The following NYAP2 variants were observed in gnomAD, a reference collection of about 807,000 sequenced individuals.
NYAP2 encodes the protein neuronal tyrosine-phosphorylated phosphoinositide-3-kinase adapter 2.
A neutral mutation model predicts 50.4 loss-of-function variants in NYAP2; 23 were observed. That is an observed-to-expected ratio of 0.46 (90% CI 0.33 to 0.65). NYAP2 has a LOEUF of 0.65. NYAP2 is among the 30% of genes least tolerant of loss of function. The pLI is 0.02. For synonymous variants in NYAP2, 394 were observed against 365.2 expected (o/e 1.08, Z -0.90); for missense variants, 885 against 861.0 (o/e 1.03, Z -0.35).
At chr2:225,666,350 T>G in the NYAP2 span, among the ~76,000 whole-genome samples, 1 of 152,200 alleles carries the variant, frequency 6.6e-6, no homozygotes, top group Admixed American at 6.5e-5. Context: ...AAGAGATTTA[T>G]TCTGAGCCAA....
chr2:225,438,759 GGGATGTATATGTTTTGGAATTACACAC>G (rs1261036021), intron 3 of NYAP2, among the ~76,000 whole-genome samples: 1 of 152,068 alleles, frequency 6.6e-6, no homozygotes, highest in East Asian at 1.9e-4. Flanking sequence ...AATTATGATG[GGGATGTATATGTTTTGGAATTACACAC>G]GTCATACACC....
At chr2:225,552,894 G>A (rs551528061) in intron 4 of NYAP2, among the ~76,000 whole-genome samples, 2 of 152,142 alleles carry the variant, frequency 1.3e-5, no homozygotes, top group South Asian at 4.2e-4. Flanking sequence ...CACCATATTG[G>A]CCAGGTTGGT....
chr2:225,629,730 CT>C (rs1008701477), intron 6 of NYAP2, among the ~76,000 whole-genome samples: 1 of 152,096 alleles, frequency 6.6e-6, no homozygotes, highest in African/African-American at 2.4e-5. Flanking sequence ...GGGCATCTGG[CT>C]TTATGAGAAC....
chr2:225,539,302 A>G (rs1691415765), intron 4 of NYAP2, among the ~76,000 whole-genome samples: 1 of 152,242 alleles, frequency 6.6e-6, no homozygotes, highest in Non-Finnish European at 1.5e-5. Context: ...GCTGCAATAA[A>G]CATACATGTG....
chr2:225,456,879 A>G (rs766785444), intron 3 of NYAP2, among the ~76,000 whole-genome samples: 7 of 152,162 alleles, frequency 4.6e-5, no homozygotes, highest in Admixed American at 6.5e-5. Context: ...GGCCCATTGT[A>G]TAAGTGTGAA....
At chr2:225,589,516 A>AATATATATATGTAT (rs1553553395) in intron 5 of NYAP2, among the ~76,000 whole-genome samples, 3 of 71,356 alleles carry the variant, frequency 4.2e-5, no homozygotes, top group Admixed American at 3.2e-4. Flanking sequence ...CTAAAAGTAA[A>AATATATATATGTAT]ATATATATAT....
chr2:225,685,932 C>A, the NYAP2 span, among the ~76,000 whole-genome samples: 1 of 152,134 alleles, frequency 6.6e-6, no homozygotes, highest in Admixed American at 6.5e-5. Context: ...TTCAGACACA[C>A]AAGAATTAAG....
intron 3 of NYAP2, among the ~76,000 whole-genome samples, chr2:225,508,636 T>G (rs141276044): frequency 6.2e-4 from 94 of 152,088 alleles, no homozygotes; most frequent in African/African-American, 2.2e-3. Flanking sequence ...GAAAAGCAAT[T>G]GAATAGGAAG....
chr2:225,579,573 A>G (rs1328471018), intron 4 of NYAP2, among the ~76,000 whole-genome samples: 1 of 152,180 alleles, frequency 6.6e-6, no homozygotes, highest in Non-Finnish European at 1.5e-5. Flanking sequence ...TCACAATTGG[A>G]GTAAATCCAG....
intron 5 of NYAP2, among the ~76,000 whole-genome samples, chr2:225,623,695 A>G (rs540002107): frequency 6.6e-6 from 1 of 152,336 alleles, no homozygotes; most frequent in East Asian, 1.9e-4. Context: ...GCAAAAAACA[A>G]ACTAAAAATT....
chr2:225,507,727 C>A (rs199925031), intron 3 of NYAP2, among the ~76,000 whole-genome samples: 4 of 130,698 alleles, frequency 3.1e-5, no homozygotes, highest in Non-Finnish European at 6.7e-5. Flanking sequence ...TGGGAAAAGA[C>A]TTAAATGTAG....
intron 4 of NYAP2, among the ~76,000 whole-genome samples, chr2:225,536,907 T>C (rs969162432): frequency 2.0e-5 from 3 of 152,002 alleles, no homozygotes; most frequent in African/African-American, 4.8e-5. Flanking sequence ...GCCTCCCGAA[T>C]AGCTGGGACT....
intron 3 of NYAP2, among the ~76,000 whole-genome samples, chr2:225,415,402 T>G (rs758984764): frequency 3.3e-5 from 5 of 152,200 alleles, no homozygotes; most frequent in Admixed American, 1.3e-4. Flanking sequence ...GGCTATGATA[T>G]CCAAGTTTTG....
At chr2:225,662,942 G>T in the NYAP2 span, among the ~76,000 whole-genome samples, 1 of 152,110 alleles carries the variant, frequency 6.6e-6, no homozygotes, top group Non-Finnish European at 1.5e-5. Context: ...TCCAGGCCTC[G>T]CGGAATTTCC....
At chr2:225,568,239 A>G (rs1691998214) in intron 4 of NYAP2, among the ~76,000 whole-genome samples, 1 of 152,126 alleles carries the variant, frequency 6.6e-6, no homozygotes, top group African/African-American at 2.4e-5. Context: ...ACCTTTACTT[A>G]AAGTATAAGG....
At chr2:225,425,662 T>C (rs2106129837) in intron 3 of NYAP2, among the ~76,000 whole-genome samples, 1 of 152,336 alleles carries the variant, frequency 6.6e-6, no homozygotes, top group African/African-American at 2.4e-5. Flanking sequence ...ACACTTCTTT[T>C]TCCCTGTGGT....
chr2:225,699,332 GTGTCCTTGCATCATTGATC>G, the NYAP2 span: 1 of 151,942 alleles, frequency 6.6e-6, no homozygotes, highest in Non-Finnish European at 1.5e-5. Flanking sequence ...TTAGGGACAT[GTGTCCTTGCATCATTGATC>G]TGATTGGAGG....
the NYAP2 span, among the ~76,000 whole-genome samples, chr2:225,692,169 G>C: frequency 1.3e-5 from 2 of 152,046 alleles, no homozygotes; most frequent in Non-Finnish European, 2.9e-5. Flanking sequence ...AACTAATGAG[G>C]CACAAAAATC....
chr2:225,557,319 C>T (rs917830316), intron 4 of NYAP2, among the ~76,000 whole-genome samples: 10 of 152,000 alleles, frequency 6.6e-5, no homozygotes, highest in Admixed American at 1.3e-4. Context: ...TAATGCTTGC[C>T]TTCTATGTGT....
Sources: gnomAD v4.1 joint callset for allele counts (sites outside exome capture counted in the v4.1 genomes callset) on GRCh38, gnomAD v4.1.1 for gene constraint, MANE v1.5 for transcripts, NCBI Gene and HGNC (gene_info 2026-07-23, HGNC 2026-07-21) for gene names.